PPP2R5C: variants seen among roughly 807,000 people sequenced by gnomAD.
PPP2R5C encodes serine/threonine-protein phosphatase 2A 56 kDa regulatory subunit gamma isoform.
PPP2R5C carries 7 observed loss-of-function variants against 68.9 expected under a neutral mutation model. The observed-to-expected ratio is 0.10, with a 90% CI of 0.06 to 0.19. The LOEUF is 0.19. PPP2R5C is among the 10% of genes least tolerant of loss of function. PPP2R5C has a pLI of 1.00. For missense variants in PPP2R5C, 348 were observed against 641.3 expected (o/e 0.54, Z 4.94); for synonymous variants, 210 against 222.2 (o/e 0.95, Z 0.49).
chr14:101,841,067 T>C (rs2041440298), intron 1 of PPP2R5C, among the ~76,000 whole-genome samples: 3 of 152,208 alleles, frequency 2.0e-5, no homozygotes, highest in Non-Finnish European at 4.4e-5. Context: ...TTCTAAGCAC[T>C]GTACATCTCT....
intron 8 of PPP2R5C, among the ~76,000 whole-genome samples, chr14:101,898,307 G>T (rs982155251): frequency 6.6e-6 from 1 of 152,024 alleles, no homozygotes; most frequent in Non-Finnish European, 1.5e-5. Context: ...GCCACATTGC[G>T]TTTACCACAG....
chr14:101,844,221 A>G (rs1267026629), intron 1 of PPP2R5C: 2 of 151,284 alleles, frequency 1.3e-5, no homozygotes, highest in African/African-American at 4.9e-5. Context: ...ATACCAGGTA[A>G]CTAATTCGAA....
intron 1 of PPP2R5C, chr14:101,824,078 C>A (rs2040251375): frequency 6.2e-6 from 8 of 1,289,058 alleles, no homozygotes; most frequent in African/African-American, 1.5e-5. Context: ...GACTCCAGGA[C>A]TGACTTTCCA....
At position 101,781,008 on chromosome 14, in the gene PPP2R5C, G is replaced by C. The variant is rs1202782442; in HGVS notation, c.94-5010G>C. ...TTTCCTCTCTGTAAGCTAAGGATGC[G>C]CCAGCTCGGCCTGAACCATGGAATG... On this transcript the variant is annotated intron_variant, in intron 2 of 14. Coordinates refer to the PPP2R5C transcript ENST00000328724. The surrounding 1 kb of genome is among the most constrained non-coding windows in gnomAD (Gnocchi z 6.4). Among the ~76,000 whole-genome samples the C allele has an allele frequency of 6.6e-6, 1 of 152,176 alleles. No homozygotes were observed. Among genetic ancestry groups the C allele is most frequent in the Admixed American group, 6.5e-5 (1 of 15,288 alleles).
At chr14:101,769,508 C>G (rs1474520133) in intron 2 of PPP2R5C, among the ~76,000 whole-genome samples, 1 of 152,154 alleles carries the variant, frequency 6.6e-6, no homozygotes, top group African/African-American at 2.4e-5. Flanking sequence ...CAATAAAAAA[C>G]TTGTTTATTA....
intron 2 of PPP2R5C, among the ~76,000 whole-genome samples, chr14:101,779,701 C>G (rs1047142816): frequency 2.6e-5 from 4 of 152,054 alleles, no homozygotes; most frequent in African/African-American, 9.7e-5. Flanking sequence ...AACTTTCTCC[C>G]GCAGGCAGTG....
intron 3 of PPP2R5C, among the ~76,000 whole-genome samples, chr14:101,803,493 G>A (rs1264685639): frequency 6.6e-6 from 1 of 152,140 alleles, no homozygotes; most frequent in African/African-American, 2.4e-5. Context: ...GGGAGGCCAA[G>A]GCAGGTGGAT....
At chr14:101,900,138 C>T (rs1310110109) in intron 8 of PPP2R5C, among the ~76,000 whole-genome samples, 1 of 152,162 alleles carries the variant, frequency 6.6e-6, no homozygotes, top group East Asian at 1.9e-4. Context: ...CCTCCCACCT[C>T]GACCTCCCAA....
chr14:101,761,084 G>GGGGAGGGAA (rs2036500606), upstream of PPP2R5C, among the ~76,000 whole-genome samples: 2 of 146,082 alleles, frequency 1.4e-5, no homozygotes, highest in Non-Finnish European at 3.0e-5. Context: ...GGGAAGGGGA[G>GGGGAGGGAA]GGGAGGGAAG....
intron 1 of PPP2R5C, among the ~76,000 whole-genome samples, chr14:101,852,521 T>A (rs2042225510): frequency 6.9e-6 from 1 of 144,482 alleles, no homozygotes; most frequent in South Asian, 2.2e-4. Flanking sequence ...CAGGTGGGAA[T>A]ACAGTGGTGT....
At position 101,917,056 on chromosome 14, in the gene PPP2R5C, G is replaced by A. The variant is rs536585758; in HGVS notation, c.1327-775G>A. Among the ~76,000 whole-genome samples, 7 of 151,838 alleles carry A rather than the reference G, an allele frequency of 4.6e-5. No homozygotes were observed. The highest frequency in any genetic ancestry group is 2.1e-4 in the South Asian group (1 of 4,804). On this transcript the variant is annotated intron_variant, in intron 12 of 13. Transcript: ENST00000334743. The surrounding 1 kb of genome is among the most constrained non-coding windows in gnomAD (Gnocchi z 4.4). ...GTGCCCTCAGAGCCAGCAGACGCTC[G>A]TCACAGTCATACTGTCCTGTGCACC...
At chr14:101,870,733 T>C (rs1296804472) in intron 2 of PPP2R5C, among the ~76,000 whole-genome samples, 1 of 152,248 alleles carries the variant, frequency 6.6e-6, no homozygotes. Flanking sequence ...TTGGAGACCA[T>C]TGACCTCTTA....
intron 2 of PPP2R5C, 35 bp downstream of exon 2, chr14:101,763,005 A>G (rs1359399889): frequency 1.3e-6 from 2 of 1,514,834 alleles, no homozygotes; most frequent in African/African-American, 1.4e-5. Flanking sequence ...TGTATTTTAT[A>G]CACAGCTTTT....
At chr14:101,815,241 T>TG (rs1182427714) in intron 1 of PPP2R5C, among the ~76,000 whole-genome samples, 1 of 152,206 alleles carries the variant, frequency 6.6e-6, no homozygotes, top group Non-Finnish European at 1.5e-5. Flanking sequence ...TCAGTCAGTC[T>TG]GATAGCAAAG....
chr14:101,804,281 A>T (rs2038988613), intron 3 of PPP2R5C, among the ~76,000 whole-genome samples: 1 of 152,242 alleles, frequency 6.6e-6, no homozygotes, highest in Non-Finnish European at 1.5e-5. Context: ...AGGAATGTAA[A>T]TTAGTACAAC....
At chr14:101,833,443 A>C (rs1274119406) in intron 1 of PPP2R5C, 1 of 152,246 alleles carries the variant, frequency 6.6e-6, no homozygotes, top group Non-Finnish European at 1.5e-5. Flanking sequence ...TTGTTAGAGG[A>C]TCACACAGTT....
chr14:101,806,091 A>AT (rs1196299628), upstream of PPP2R5C, among the ~76,000 whole-genome samples: 1 of 151,850 alleles, frequency 6.6e-6, no homozygotes, highest in Non-Finnish European at 1.5e-5. Flanking sequence ...TTTTATTTTT[A>AT]TTTTTTTGTT....
intron 2 of PPP2R5C, among the ~76,000 whole-genome samples, chr14:101,784,495 G>A (rs950196512): frequency 1.0e-4 from 15 of 149,076 alleles, no homozygotes; most frequent in Non-Finnish European, 2.1e-4. Flanking sequence ...ACGGCAGCAG[G>A]AGAGAGAGAG....
At chr14:101,807,968 T>C (rs572056937), upstream of PPP2R5C, among the ~76,000 whole-genome samples, 83 of 149,548 alleles carry the variant, frequency 5.6e-4, no homozygotes, top group East Asian at 1.2e-3. Context: ...TATTAAATCA[T>C]TGGAGGGCAG....
Sources: gnomAD v4.1 joint callset for allele counts (sites outside exome capture counted in the v4.1 genomes callset) on GRCh38, gnomAD v4.1.1 for gene constraint, Gnocchi (gnomAD v3.1) non-coding constraint, MANE v1.5 for transcripts, NCBI Gene and HGNC (gene_info 2026-07-23, HGNC 2026-07-21) for gene names.